The following BMPR1B variants were observed in gnomAD, a reference collection of about 807,000 sequenced individuals.
BMPR1B encodes bone morphogenetic protein receptor type-1B.
In BMPR1B, 12 loss-of-function variants were observed where a neutral mutation model predicts 59.1. That is an observed-to-expected ratio of 0.20 (90% confidence interval 0.13 to 0.33). BMPR1B has a LOEUF of 0.33. BMPR1B is among the 10% of genes least tolerant of loss of function. The pLI, the probability that BMPR1B is intolerant of heterozygous loss-of-function variation, is 1.00. For synonymous variants in BMPR1B, 237 were observed against 207.3 expected (o/e 1.14, Z -1.23); for missense variants, 550 against 610.9 (o/e 0.90, Z 1.05).
chr4:94,920,757 A>C (rs760246941), intron 2 of BMPR1B, among the ~76,000 whole-genome samples: 1 of 152,206 alleles, frequency 6.6e-6, no homozygotes, highest in Non-Finnish European at 1.5e-5. Context: ...ACTTCATTAC[A>C]TTTTTGGGAG....
chr4:94,892,618 G>A (rs1727443923), intron 2 of BMPR1B, among the ~76,000 whole-genome samples: 1 of 151,958 alleles, frequency 6.6e-6, no homozygotes, highest in Admixed American at 6.6e-5. Flanking sequence ...TAATTCTATT[G>A]GTATGGAGAG....
chr4:94,838,438 C>A (rs898895579), intron 1 of BMPR1B, among the ~76,000 whole-genome samples: 7 of 122,018 alleles, frequency 5.7e-5, no homozygotes, highest in Non-Finnish European at 1.1e-4. Flanking sequence ...AATTTCAGCT[C>A]CTGTTATTGG....
intron 2 of BMPR1B, among the ~76,000 whole-genome samples, chr4:94,891,492 T>C (rs1727391340): frequency 6.6e-6 from 1 of 152,096 alleles, no homozygotes; most frequent in Non-Finnish European, 1.5e-5. Context: ...TAAGAAGTAT[T>C]ATAGTGGCTT....
rs79862791 is a variant in BMPR1B at position 94,935,605 on chromosome 4, G to A, written c.-113+59705G>A. On this transcript the variant is annotated intron_variant, in intron 2 of 12. Transcript: ENST00000515059. ...TAAAAGGACAGAGAGTGACTTGTAT[G>A]TGTGTGAGGTGGTGTATTAGCAGAA... Among the ~76,000 whole-genome samples the A allele has an allele frequency of 7.2e-3, 1,097 of 152,330 alleles. 9 individuals carry two copies. The highest frequency in any genetic ancestry group is 0.021 in the African/African-American group (853 of 41,568).
chr4:95,052,835 C>T (rs182197236), intron 3 of BMPR1B, among the ~76,000 whole-genome samples: 74 of 152,174 alleles, frequency 4.9e-4, no homozygotes, highest in African/African-American at 1.7e-3. Context: ...ATTTCATCAA[C>T]CTAGTTTGCT....
Position 94,840,496 on chromosome 4 carries a change from G to A in BMPR1B, c.-182-35335G>A, listed in dbSNP as rs548761717. On this transcript the variant is annotated intron_variant, in intron 1 of 12. Coordinates refer to ENST00000515059, the MANE Select transcript of BMPR1B (RefSeq NM_001203.3). ...TTTTTTTCTCTAAACTTCCCTTCTCGCTTCATTTCATTCATTTCACCTTCC... is the reference window on the plus strand; with the variant it reads ...TTTTTTTCTCTAAACTTCCCTTCTCACTTCATTTCATTCATTTCACCTTCC... Among the ~76,000 whole-genome samples the A allele has an allele frequency of 3.4e-4, 49 of 144,428 alleles. 2 individuals are homozygous for A. The highest frequency in any genetic ancestry group is 1.1e-3 in the South Asian group (5 of 4,422). The allele number at this position is 144,428 out of a possible 152,430, so 94.8% of individuals were successfully genotyped here.
At chr4:95,054,870 T>G (rs564455509) in intron 3 of BMPR1B, among the ~76,000 whole-genome samples, 1 of 152,322 alleles carries the variant, frequency 6.6e-6, no homozygotes, top group South Asian at 2.1e-4. Flanking sequence ...AGGATAGGCC[T>G]CATGTTCCCA....
chr4:94,882,738 TCTC>T (rs1216875321), intron 2 of BMPR1B, among the ~76,000 whole-genome samples: 1 of 152,226 alleles, frequency 6.6e-6, no homozygotes, highest in Non-Finnish European at 1.5e-5. Context: ...GGTCTTCAGA[TCTC>T]CTTCTGCACC....
chr4:95,036,585 A>G (rs1049766622), intron 3 of BMPR1B, among the ~76,000 whole-genome samples: 3 of 151,956 alleles, frequency 2.0e-5, no homozygotes, highest in African/African-American at 7.3e-5. Flanking sequence ...TACTGTGTGT[A>G]TGTACCATAT....
At chr4:95,065,287 G>C (rs1727714112) in intron 3 of BMPR1B, among the ~76,000 whole-genome samples, 1 of 152,164 alleles carries the variant, frequency 6.6e-6, no homozygotes, top group Non-Finnish European at 1.5e-5. Context: ...AAATTCCAGA[G>C]AGGCGTGGGG....
At chr4:94,817,696 T>G (rs1389642707) in intron 1 of BMPR1B, among the ~76,000 whole-genome samples, 1 of 152,126 alleles carries the variant, frequency 6.6e-6, no homozygotes, top group Non-Finnish European at 1.5e-5. Flanking sequence ...CCATGATTAC[T>G]GTGAGGGTGA....
At chr4:95,112,750 A>G (rs975341834) in intron 4 of BMPR1B, among the ~76,000 whole-genome samples, 3 of 152,044 alleles carry the variant, frequency 2.0e-5, no homozygotes, top group African/African-American at 7.2e-5. Flanking sequence ...GCTTGAATTT[A>G]CTGTCTCTGA....
At chr4:95,073,577 G>T (rs1323777420) in intron 3 of BMPR1B, among the ~76,000 whole-genome samples, 5 of 152,058 alleles carry the variant, frequency 3.3e-5, no homozygotes, top group African/African-American at 1.2e-4. Flanking sequence ...TTCAGAATTG[G>T]ATGAGGGACT....
intron 2 of BMPR1B, among the ~76,000 whole-genome samples, chr4:94,943,102 A>G (rs747363939): frequency 1.4e-4 from 21 of 152,014 alleles, no homozygotes; most frequent in Non-Finnish European, 2.6e-4. Context: ...GTGAAAAGAG[A>G]TGGCTCTGGA....
chr4:94,903,289 A>T (rs1727901891), intron 2 of BMPR1B, among the ~76,000 whole-genome samples: 5 of 151,914 alleles, frequency 3.3e-5, no homozygotes, highest in Admixed American at 3.3e-4. Context: ...CCCGAGTCCC[A>T]GTTAGTTTAG....
intron 3 of BMPR1B, among the ~76,000 whole-genome samples, chr4:95,100,139 TTCGTCTTC>T (rs1730716295): frequency 6.6e-6 from 1 of 152,154 alleles, no homozygotes; most frequent in Non-Finnish European, 1.5e-5. Context: ...GGAGGTAAGC[TTCGTCTTC>T]TCTTGGGATG....
chr4:94,914,073 A>G (rs181188869), intron 2 of BMPR1B, among the ~76,000 whole-genome samples: 1 of 152,256 alleles, frequency 6.6e-6, no homozygotes, highest in East Asian at 1.9e-4. Context: ...GCACCTATAG[A>G]GGTTTATTTC....
intron 2 of BMPR1B, among the ~76,000 whole-genome samples, chr4:94,933,886 A>G (rs980529405): frequency 3.3e-5 from 5 of 152,176 alleles, no homozygotes; most frequent in African/African-American, 1.2e-4. Context: ...TGAACAAAAG[A>G]AAACGAAAAG....
In BMPR1B at chr4:95,131,222, T is replaced by A. The variant is rs886546783; in HGVS notation, c.786T>A (p.Ile262=). ...LMRHENILGF[I]AADIKGTGSW... ...CATCTTTTTTCCTTTTAGGTTTCATTGCTGCAGATATCAAAGGGACAGGGT... is the reference window on the plus strand; with the variant it reads ...CATCTTTTTTCCTTTTAGGTTTCATAGCTGCAGATATCAAAGGGACAGGGT... Residue 262 remains isoleucine (I), a synonymous_variant, in exon 10 of 13, where the codon ATT becomes ATA. Transcript: ENST00000515059. 3.7e-6 allele frequency: 6 copies of A among 1,613,662 alleles called. No homozygotes were observed. The highest frequency in any genetic ancestry group is 5.1e-6 in the Non-Finnish European group (6 of 1,179,784).
Sources: allele counts gnomAD v4.1 joint callset (sites outside exome capture counted in the v4.1 genomes callset), GRCh38; gene constraint gnomAD v4.1.1; transcripts MANE v1.5; gene names NCBI Gene and HGNC (gene_info 2026-07-23, HGNC 2026-07-21).